The following DHRS1 variants were observed in gnomAD, a reference collection of about 807,000 sequenced individuals.
The protein encoded by DHRS1 is dehydrogenase/reductase SDR family member 1.
DHRS1 carries 34 observed loss-of-function variants against 35.2 expected under a neutral mutation model. The observed-to-expected ratio is 0.97, with a 90% CI of 0.74 to 1.29. The LOEUF (loss-of-function observed/expected upper bound fraction) is 1.29, where lower values mean the gene tolerates loss of function less well. DHRS1 is among the 50% of genes most tolerant of loss of function. The probability of loss-of-function intolerance (pLI) is 0.00; values close to 1 mark genes in which losing one functional copy is unlikely to be tolerated. For missense variants in DHRS1, 354 were observed against 403.6 expected (o/e 0.88, Z 1.05); for synonymous variants, 133 against 160.0 (o/e 0.83, Z 1.27).
chr14:24,291,440 A>G (rs2041156120), intron 7 of DHRS1, 116 bp downstream of exon 7: 1 of 1,236,344 alleles, frequency 8.1e-7, no homozygotes, highest in Non-Finnish European at 1.2e-6. Context: ...CTCAAAAAGC[A>G]GAGAAAAGAA....
chr14:24,298,258 C>T (rs1214114528), intron 2 of DHRS1, among the ~76,000 whole-genome samples: 4 of 152,158 alleles, frequency 2.6e-5, no homozygotes, highest in Admixed American at 2.6e-4. Flanking sequence ...AGCTATGTTG[C>T]CCAGACTGGT....
rs183728955 is a variant in DHRS1 at position 24,298,810 on chromosome 14, C to T, written c.150+147G>A. The stretch of plus-strand genomic sequence containing the variant: ...ATTCTACCTTACCTGAAGTTATTTA[C>T]GGGGTTTTTAATTTCCACTTTGAAT... On this transcript the variant is annotated intron_variant, in intron 2 of 8. Transcript: ENST00000288111. 61 of 1,032,348 alleles carry T rather than the reference C, an allele frequency of 5.9e-5. No individual in the cohort carries two copies. The African/African-American group carries it at 9.1e-4, about 15-fold the overall frequency. 63.9% of individuals were successfully genotyped at this position (1,032,348 alleles called of 1,614,324 possible).
At chr14:24,299,261 G>A (rs943902240) in intron 1 of DHRS1, 131 bp from the exon 2 acceptor site, 47 of 856,092 alleles carry the variant, frequency 5.5e-5, no homozygotes, top group Admixed American at 1.2e-4. Context: ...TGAGGGGAGA[G>A]GAGTCAGAGG....
chr14:24,293,000 GGAA>G, intron 4 of DHRS1: 1 of 532,346 alleles, frequency 1.9e-6, no homozygotes, highest in East Asian at 3.4e-5. Context: ...AGCAATCTTT[GGAA>G]GAAGAAATGG....
intron 2 of DHRS1, 139 bp downstream of exon 2, chr14:24,298,818 T>C: frequency 9.1e-7 from 1 of 1,103,518 alleles, no homozygotes. Flanking sequence ...TACGGGGTTT[T>C]TAATTTCCAC....
intron 2 of DHRS1, among the ~76,000 whole-genome samples, 191 bp from the exon 3 acceptor site, chr14:24,297,072 C>A (rs1318443102): frequency 6.6e-6 from 1 of 152,206 alleles, no homozygotes; most frequent in Non-Finnish European, 1.5e-5. Context: ...TAGGCCTCCC[C>A]ACCACAGAGC....
In DHRS1 at chr14:24,292,072, C is replaced by A. The variant is rs1196808167; in HGVS notation, c.654+112G>T. Reference sequence around the variant, plus strand: ...GAAATAATGTGTGTCCCATGCTCAGCCCTGCACCTGCCACAGTAAGCACCT... The same window carrying A: ...GAAATAATGTGTGTCCCATGCTCAGACCTGCACCTGCCACAGTAAGCACCT... On this transcript the variant is annotated intron_variant, in intron 6 of 8. Transcript: ENST00000288111. 30 of 1,347,982 alleles carry A rather than the reference C, an allele frequency of 2.2e-5. No individual in the cohort carries two copies. In the Admixed American group the frequency reaches 3.0e-4, roughly 13 times the overall value. 83.5% of individuals were successfully genotyped at this position (1,347,982 alleles called of 1,614,324 possible). A position where few individuals can be genotyped will look rare whatever the true frequency, so the allele number is the denominator to read the frequency against.
At chr14:24,297,101 A>C (rs543932436) in intron 2 of DHRS1, among the ~76,000 whole-genome samples, 5 of 152,380 alleles carry the variant, frequency 3.3e-5, no homozygotes, top group African/African-American at 1.2e-4. Flanking sequence ...TTGCAATGTA[A>C]GTTTTAATAA....
chr14:24,298,130 C>T (rs781576131), intron 2 of DHRS1, among the ~76,000 whole-genome samples: 4 of 152,180 alleles, frequency 2.6e-5, no homozygotes, highest in Non-Finnish European at 4.4e-5. Context: ...ACTGCAACCT[C>T]GAACTCCTGG....
At chr14:24,298,662 C>G (rs1021423950) in intron 2 of DHRS1, 3 of 298,308 alleles carry the variant, frequency 1.0e-5, no homozygotes, top group Non-Finnish European at 1.9e-5. Flanking sequence ...GATCATGGCT[C>G]AACTCCTAGG....
chr14:24,294,184 C>T (rs367969791), intron 4 of DHRS1: 5 of 152,158 alleles, frequency 3.3e-5, no homozygotes, highest in South Asian at 2.1e-4. Flanking sequence ...CTTTTATTAG[C>T]GTCACACCAA....
intron 4 of DHRS1, chr14:24,293,514 C>T (rs572113487): frequency 1.3e-5 from 2 of 152,174 alleles, no homozygotes; most frequent in East Asian, 3.9e-4. Context: ...GCGGAGGTTG[C>T]AGTAAGCTGA....
At chr14:24,296,152 T>G (rs2041243884) in intron 4 of DHRS1, among the ~76,000 whole-genome samples, 1 of 152,180 alleles carries the variant, frequency 6.6e-6, no homozygotes, top group Non-Finnish European at 1.5e-5. Flanking sequence ...TCTCCCAGTC[T>G]AAAATAAAAC....
intron 6 of DHRS1, 176 bp from the exon 7 acceptor site, chr14:24,291,801 C>T: frequency 1.5e-6 from 1 of 671,200 alleles, no homozygotes; most frequent in East Asian, 2.7e-5. Flanking sequence ...CTCCTCCCCA[C>T]ATCCAGGTGA....
At chr14:24,292,546 A>T in intron 5 of DHRS1, 106 bp downstream of exon 5, 1 of 1,590,618 alleles carries the variant, frequency 6.3e-7, no homozygotes, top group Non-Finnish European at 8.6e-7. Context: ...GGAGGAGCTG[A>T]GAGGAGCCAG....
At chr14:24,297,254 C>G (rs1411207712) in intron 2 of DHRS1, among the ~76,000 whole-genome samples, 1 of 152,188 alleles carries the variant, frequency 6.6e-6, no homozygotes, top group Non-Finnish European at 1.5e-5. Context: ...ATCTCTCATG[C>G]CCTTAGCTCC....
chr14:24,292,626 C>T (rs979011313), intron 5 of DHRS1, 26 bp downstream of exon 5: 13 of 1,614,102 alleles, frequency 8.1e-6, no homozygotes, highest in African/African-American at 1.3e-5. Context: ...TTTACCTCCT[C>T]AGCTCCTATG....
At chr14:24,296,412 G>A (rs2139099647) in intron 4 of DHRS1, 97 bp downstream of exon 4, 1 of 1,173,192 alleles carries the variant, frequency 8.5e-7, no homozygotes, top group East Asian at 2.3e-5. Flanking sequence ...AGATGGGGGA[G>A]GCCGGAGGGA....
intron 5 of DHRS1, 143 bp downstream of exon 5, chr14:24,292,509 A>G: frequency 2.0e-6 from 3 of 1,520,610 alleles, no homozygotes; most frequent in Non-Finnish European, 1.8e-6. Context: ...GAGCACAAGC[A>G]AAGGAACTGT....
Sources: allele counts gnomAD v4.1 joint callset (sites outside exome capture counted in the v4.1 genomes callset), GRCh38; gene constraint gnomAD v4.1.1; transcripts MANE v1.5; gene names NCBI Gene and HGNC (gene_info 2026-07-23, HGNC 2026-07-21).